FHOD3: variants seen among roughly 807,000 people sequenced by gnomAD.
FHOD3 encodes FH1/FH2 domain-containing protein 3.
FHOD3 carries 90 observed loss-of-function variants against 173.0 expected under a neutral mutation model. The observed-to-expected ratio is 0.52, with a 90% CI of 0.44 to 0.62. The LOEUF is 0.62. Ranked by LOEUF, FHOD3 falls within the 20% of genes least tolerant of loss-of-function variation. FHOD3 has a pLI of 0.00. For synonymous variants in FHOD3, 828 were observed against 823.0 expected, an observed-to-expected ratio of 1.01 and a Z score of -0.10; for missense variants, 1,945 against 2,034.7, an observed-to-expected ratio of 0.96 and a Z score of 0.85.
chr18:36,393,272 T>C (rs1421051571), intron 3 of FHOD3, among the ~76,000 whole-genome samples: 1 of 152,226 alleles, frequency 6.6e-6, no homozygotes, highest in Non-Finnish European at 1.5e-5. Context: ...TTTCCATCAC[T>C]GCATTTAGGG....
At chr18:36,327,761 G>A (rs2044748550) in intron 1 of FHOD3, among the ~76,000 whole-genome samples, 1 of 152,202 alleles carries the variant, frequency 6.6e-6, no homozygotes, top group Admixed American at 6.5e-5. Context: ...TGTGCTAGAG[G>A]TTGACAAATA....
chr18:36,475,544 T>C (rs967542446), intron 3 of FHOD3, among the ~76,000 whole-genome samples: 11 of 152,112 alleles, frequency 7.2e-5, no homozygotes, highest in African/African-American at 2.7e-4. Flanking sequence ...AGAATTCTAA[T>C]GGGAAGGACT....
At chr18:36,531,427 C>T (rs1278363279) in intron 5 of FHOD3, among the ~76,000 whole-genome samples, 1 of 152,174 alleles carries the variant, frequency 6.6e-6, no homozygotes, top group African/African-American at 2.4e-5. Context: ...CTCACAGTCA[C>T]AGCCATTCCT....
chr18:36,587,626 T>A (rs1165426109), intron 6 of FHOD3, among the ~76,000 whole-genome samples: 1 of 152,082 alleles, frequency 6.6e-6, no homozygotes, highest in African/African-American at 2.4e-5. Flanking sequence ...ACCCCATGTC[T>A]ACTAAAAATA....
intron 3 of FHOD3, among the ~76,000 whole-genome samples, chr18:36,477,536 CACCCACCCACCTACCTACCTACCTACCT>C (rs1386350382): frequency 1.5e-5 from 1 of 66,582 alleles, no homozygotes; most frequent in Non-Finnish European, 2.8e-5. Flanking sequence ...TCCACCCACC[CACCCACCCACCTACCTACCTACCTACCT>C]ACCTACCTAC....
chr18:36,576,986 G>A (rs556884014), intron 6 of FHOD3, among the ~76,000 whole-genome samples: 2 of 152,060 alleles, frequency 1.3e-5, no homozygotes, highest in East Asian at 1.9e-4. Context: ...CCAGCTGCTC[G>A]GGAGGCTGAG....
chr18:36,331,387 G>A (rs2045002086), intron 1 of FHOD3, among the ~76,000 whole-genome samples: 2 of 152,226 alleles, frequency 1.3e-5, no homozygotes, highest in South Asian at 4.1e-4. Context: ...ACTGATGTCA[G>A]TAGATAAACG....
At position 36,635,114 on chromosome 18, in the gene FHOD3, G is replaced by A. The variant is rs948597731; in HGVS notation, c.1196+9365G>A. On this transcript the variant is annotated intron_variant, in intron 10 of 28. Coordinates refer to ENST00000590592, the MANE Select transcript of FHOD3 (RefSeq NM_001281740.3). ...TGAATAGCAAAGGGTGGCCTGGAGA[G>A]AAGAGGTCTGGGAAGGCTGGGAGAG... 4.6e-5 allele frequency among the ~76,000 whole-genome samples: 7 copies of A among 152,194 alleles called. No homozygotes were observed. In the South Asian group the frequency reaches 1.4e-3, roughly 32 times the overall value.
At chr18:36,684,888 G>A (rs2038501415) in intron 15 of FHOD3, among the ~76,000 whole-genome samples, 1 of 151,992 alleles carries the variant, frequency 6.6e-6, no homozygotes, top group Non-Finnish European at 1.5e-5. Context: ...CTGCAGCCTC[G>A]ACCTCCCAGG....
At chr18:36,715,125 T>C (rs1202609555) in intron 18 of FHOD3, among the ~76,000 whole-genome samples, 1 of 152,252 alleles carries the variant, frequency 6.6e-6, no homozygotes, top group African/African-American at 2.4e-5. Context: ...CCAGCCCTGA[T>C]GAGGTTTGGC....
Position 36,502,008 on chromosome 18 carries a change from G to GA in FHOD3, c.405+16dup. 6.3e-7 allele frequency: 1 copy of GA among 1,584,856 alleles called. No homozygotes were observed. Among genetic ancestry groups the GA allele is most frequent in the Non-Finnish European group, 8.6e-7 (1 of 1,161,168 alleles). On this transcript the variant is annotated intron_variant, in intron 4 of 28. Transcript: ENST00000590592. Reference sequence around the variant, plus strand: ...TGAAGCAGATATTTCAGGTAAATAGGAAAAAAATAAGTACTTACCTGTTTT... The same window carrying GA: ...TGAAGCAGATATTTCAGGTAAATAGGAAAAAAAATAAGTACTTACCTGTTTT...
chr18:36,561,537 A>C (rs1317324350), intron 5 of FHOD3, among the ~76,000 whole-genome samples: 1 of 152,224 alleles, frequency 6.6e-6, no homozygotes, highest in East Asian at 1.9e-4. Context: ...TATTTTTGAT[A>C]TGATTTGATT....
intron 4 of FHOD3, among the ~76,000 whole-genome samples, chr18:36,509,319 C>T (rs12967943): frequency 0.053 from 7,933 of 149,848 alleles, 440 homozygotes; most frequent in East Asian, 0.29. Context: ...CCCAGCTACT[C>T]GGGAGGCTGA....
chr18:36,703,690 A>G (rs1364753042), intron 17 of FHOD3, among the ~76,000 whole-genome samples: 1 of 152,170 alleles, frequency 6.6e-6, no homozygotes, highest in African/African-American at 2.4e-5. Context: ...AGGGACAAAG[A>G]AAACAAGATT....
At chr18:36,427,762 G>T (rs531879478) in intron 3 of FHOD3, among the ~76,000 whole-genome samples, 1 of 152,296 alleles carries the variant, frequency 6.6e-6, no homozygotes. Flanking sequence ...TTTATGAAAT[G>T]GGTAGATGGA....
Position 36,576,701 on chromosome 18 carries a change from A to G in FHOD3, c.606+156A>G, listed in dbSNP as rs28558341. Among the ~76,000 whole-genome samples the G allele has an allele frequency of 8.9e-3, 1,349 of 152,290 alleles. 21 individuals are homozygous for G. The highest frequency in any genetic ancestry group is 0.031 in the African/African-American group (1,304 of 41,558). ...TACTACTCTACAAATTTTAAGATAC[A>G]CTTAAATTGCAAATAGCTCATGAAA... On this transcript the variant is annotated intron_variant, in intron 6 of 28. Transcript: ENST00000590592.
At chr18:36,307,314 G>A (rs1232776428) in intron 1 of FHOD3, among the ~76,000 whole-genome samples, 3 of 152,152 alleles carry the variant, frequency 2.0e-5, no homozygotes, top group Non-Finnish European at 4.4e-5. Context: ...TTGGAGCGAT[G>A]GTCCTCATAT....
intron 13 of FHOD3, among the ~76,000 whole-genome samples, chr18:36,655,192 G>A (rs1032020203): frequency 2.0e-5 from 3 of 151,810 alleles, no homozygotes; most frequent in Admixed American, 6.6e-5. Flanking sequence ...CAGTTTTTGC[G>A]GAATGAATCC....
chr18:36,703,044 T>G (rs1344680208), intron 17 of FHOD3, among the ~76,000 whole-genome samples: 1 of 152,148 alleles, frequency 6.6e-6, no homozygotes, highest in African/African-American at 2.4e-5. Flanking sequence ...AGGGACTGTT[T>G]ACAGAGGTAT....
Sources: gnomAD v4.1 joint callset for allele counts (sites outside exome capture counted in the v4.1 genomes callset) on GRCh38, gnomAD v4.1.1 for gene constraint, MANE v1.5 for transcripts, NCBI Gene and HGNC (gene_info 2026-07-23, HGNC 2026-07-21) for gene names.